Variants in PHACTR3 observed in about 807,000 individuals in gnomAD.
PHACTR3 encodes the protein phosphatase and actin regulator 3.
PHACTR3 carries 16 observed loss-of-function variants against 66.8 expected under a neutral mutation model. The ratio of observed to expected loss-of-function variants is 0.24; its 90% CI spans 0.16 to 0.36. The LOEUF (loss-of-function observed/expected upper bound fraction) is 0.36. PHACTR3 is among the 10% of genes least tolerant of loss of function. PHACTR3 has a pLI of 1.00. For missense variants in PHACTR3, 647 were observed against 719.9 expected, an observed-to-expected ratio of 0.90 and a Z score of 1.16; for synonymous variants, 323 against 292.1, an observed-to-expected ratio of 1.11 and a Z score of -1.08.
chr20:59,605,257 C>T (rs1465289912), intron 1 of PHACTR3, 125 bp downstream of exon 1: 4 of 602,638 alleles, frequency 6.6e-6, no homozygotes, highest in Non-Finnish European at 7.3e-6. Context: ...AACCCGCGCT[C>T]GGCCCCGCGG....
chr20:59,775,961 C>G (rs1334589408), intron 7 of PHACTR3, among the ~76,000 whole-genome samples: 1 of 152,184 alleles, frequency 6.6e-6, no homozygotes, highest in Non-Finnish European at 1.5e-5. Context: ...ACTGGATTCC[C>G]CCAGTGAAGA....
chr20:59,684,531 A>G (rs1487669230), intron 1 of PHACTR3, among the ~76,000 whole-genome samples: 1 of 152,132 alleles, frequency 6.6e-6, no homozygotes, highest in Non-Finnish European at 1.5e-5. Context: ...TGTTATCTGC[A>G]ATCCACCCTA....
chr20:59,674,729 C>T (rs111220246), intron 1 of PHACTR3, among the ~76,000 whole-genome samples: 413 of 27,298 alleles, frequency 0.015, 1 homozygote, highest in East Asian at 0.038. Flanking sequence ...TGTTCCCCCT[C>T]CTCCTGTTCC....
chr20:59,743,588 C>T (rs17805233), intron 2 of PHACTR3, among the ~76,000 whole-genome samples: 3,414 of 152,276 alleles, frequency 0.022, 62 homozygotes, highest in Non-Finnish European at 0.036. Context: ...TGGGTTGGGC[C>T]GAGACACTGG....
chr20:59,748,362 G>C (rs988056420), intron 3 of PHACTR3, among the ~76,000 whole-genome samples: 1 of 152,136 alleles, frequency 6.6e-6, no homozygotes, highest in South Asian at 2.1e-4. Context: ...CCCACTTGCA[G>C]ACGAGGCGTG....
intron 1 of PHACTR3, among the ~76,000 whole-genome samples, chr20:59,616,965 C>T (rs150075078): frequency 6.6e-6 from 1 of 152,136 alleles, no homozygotes; most frequent in Non-Finnish European, 1.5e-5. Context: ...CCGCTCGCTT[C>T]CCCGTTGGGA....
At chr20:59,654,822 A>G (rs1170384011) in intron 1 of PHACTR3, among the ~76,000 whole-genome samples, 4 of 152,182 alleles carry the variant, frequency 2.6e-5, no homozygotes, top group South Asian at 4.1e-4. Flanking sequence ...GTGCAGTCAT[A>G]CAGTTGGCAT....
chr20:59,806,859 C>A (rs1447965662), intron 8 of PHACTR3, among the ~76,000 whole-genome samples: 1 of 152,324 alleles, frequency 6.6e-6, no homozygotes, highest in Admixed American at 6.5e-5. Flanking sequence ...CAGCACATGA[C>A]TCTACCATAT....
At chr20:59,781,714 A>G (rs1411565428) in intron 7 of PHACTR3, among the ~76,000 whole-genome samples, 2 of 152,242 alleles carry the variant, frequency 1.3e-5, no homozygotes, top group Non-Finnish European at 2.9e-5. Flanking sequence ...CATGCAAGAT[A>G]GTAATAAAAG....
At chr20:59,740,686 G>A (rs760095247) in intron 1 of PHACTR3, among the ~76,000 whole-genome samples, 22 of 152,020 alleles carry the variant, frequency 1.4e-4, no homozygotes, top group Non-Finnish European at 3.2e-4. Context: ...ATCAACAGAT[G>A]TGGAAACCGA....
At chr20:59,789,094 G>A (rs1182516) in intron 7 of PHACTR3, among the ~76,000 whole-genome samples, 148,367 of 152,240 alleles carry the variant, frequency 0.97, 72,326 homozygotes, top group East Asian at 1. Context: ...TCGAGGCATT[G>A]AACAGAAACA....
rs572357509 is a variant in PHACTR3 at position 59,719,162 on chromosome 20, T to C, written c.119-23945T>C. On this transcript the variant is annotated intron_variant, in intron 1 of 12. Coordinates refer to ENST00000371015, the MANE Select transcript of PHACTR3 (RefSeq NM_080672.5). ...TGGGGCGAAATTCCCTTTCTCTTAT[T>C]CTTAGCTTTTTCTTTTTTTTTGAAA... Among the ~76,000 whole-genome samples, 3 of 152,238 alleles carry C rather than the reference T, an allele frequency of 2.0e-5. No individual in the cohort carries two copies. In the East Asian group the frequency reaches 5.8e-4, roughly 29 times the overall value.
rs982185626 is a variant in PHACTR3 at position 59,632,247 on chromosome 20, A to T, written c.118+27115A>T. Reference sequence around the variant, plus strand: ...AAGCTAGGGGAGGTCCTAGTAGCCCACTCCTGTTCCTCAGTCCCCTTGCGT... The same window carrying T: ...AAGCTAGGGGAGGTCCTAGTAGCCCTCTCCTGTTCCTCAGTCCCCTTGCGT... On this transcript the variant is annotated intron_variant, in intron 1 of 12. Coordinates refer to ENST00000371015, the MANE Select transcript of PHACTR3 (RefSeq NM_080672.5). 2.6e-5 allele frequency among the ~76,000 whole-genome samples: 4 copies of T among 151,444 alleles called. No individual in the cohort carries two copies. The East Asian group carries it at 7.8e-4, about 29-fold the overall frequency.
rs547294393 is a variant in PHACTR3, at chr20:59,661,917, G to A, written c.118+56785G>A. The stretch of plus-strand genomic sequence containing the variant: ...CGCTAGTGGCAGGGCTGCTTGCTGC[G>A]GCTCCTAATCTCCTTGTGGGATGCC... On this transcript the variant is annotated intron_variant, in intron 1 of 12. Transcript: ENST00000371015. Among the ~76,000 whole-genome samples, 36 of 152,086 alleles carry A rather than the reference G, an allele frequency of 2.4e-4. No individual in the cohort carries two copies. The South Asian group carries it at 5.0e-3, about 21-fold the overall frequency.
intron 7 of PHACTR3, among the ~76,000 whole-genome samples, chr20:59,784,253 T>A (rs1601348932): frequency 6.6e-6 from 1 of 151,940 alleles, no homozygotes; most frequent in Non-Finnish European, 1.5e-5. Context: ...ATCGCATGAG[T>A]CAATTCCTTA....
intron 8 of PHACTR3, among the ~76,000 whole-genome samples, chr20:59,825,146 G>GT (rs968940750): frequency 2.6e-5 from 4 of 152,338 alleles, no homozygotes; most frequent in Non-Finnish European, 4.4e-5. Context: ...CCTTGGAGGG[G>GT]TCCTGAGTCC....
intron 1 of PHACTR3, among the ~76,000 whole-genome samples, chr20:59,619,886 G>A (rs764085053): frequency 3.9e-4 from 60 of 152,156 alleles, no homozygotes; most frequent in Non-Finnish European, 7.3e-4. Flanking sequence ...GTGCTGCCTC[G>A]GTTTCCTGAT....
At chr20:59,764,955 A>C (rs1409124877) in intron 4 of PHACTR3, among the ~76,000 whole-genome samples, 2 of 152,188 alleles carry the variant, frequency 1.3e-5, no homozygotes, top group Non-Finnish European at 2.9e-5. Context: ...TGCCGAGGAA[A>C]TGGGCTGTGA....
At chr20:59,745,320 G>A (rs2039327338) in intron 2 of PHACTR3, among the ~76,000 whole-genome samples, 1 of 152,170 alleles carries the variant, frequency 6.6e-6, no homozygotes, top group South Asian at 2.1e-4. Flanking sequence ...GCTGACCCCA[G>A]CAGTGGAACT....
Sources: allele counts gnomAD v4.1 joint callset (sites outside exome capture counted in the v4.1 genomes callset), GRCh38; gene constraint gnomAD v4.1.1; transcripts MANE v1.5; gene names NCBI Gene and HGNC (gene_info 2026-07-23, HGNC 2026-07-21).